Variants in SLAIN2 observed in about 807,000 individuals in gnomAD.
The protein encoded by SLAIN2 is SLAIN family member 2.
SLAIN2 carries 31 observed loss-of-function variants against 56.6 expected under a neutral mutation model. That is an observed-to-expected ratio of 0.55 (90% CI 0.41 to 0.74). The LOEUF (loss-of-function observed/expected upper bound fraction) is 0.74. SLAIN2 is among the 30% of genes least tolerant of loss of function. SLAIN2 has a pLI of 0.00. For synonymous variants in SLAIN2, 317 were observed against 284.9 expected, an observed-to-expected ratio of 1.11 and a Z score of -1.13; for missense variants, 777 against 754.2, an observed-to-expected ratio of 1.03 and a Z score of -0.35.
At chr4:48,367,498 T>C (rs1715550499) in intron 1 of SLAIN2, among the ~76,000 whole-genome samples, 2 of 152,156 alleles carry the variant, frequency 1.3e-5, no homozygotes, top group African/African-American at 4.8e-5. Flanking sequence ...AAAGGTAGGC[T>C]CAGCAAGTCT....
chr4:48,342,458 G>T (rs1714739454), intron 1 of SLAIN2, among the ~76,000 whole-genome samples: 1 of 152,206 alleles, frequency 6.6e-6, no homozygotes, highest in African/African-American at 2.4e-5. Context: ...TGTAGGCAGG[G>T]ATCCTGCTTT....
intron 1 of SLAIN2, among the ~76,000 whole-genome samples, chr4:48,351,702 G>A (rs149660839): frequency 1.3e-5 from 2 of 152,302 alleles, no homozygotes; most frequent in African/African-American, 2.4e-5. Flanking sequence ...TCTGTCTAAC[G>A]CCATGTCTGG....
intron 1 of SLAIN2, among the ~76,000 whole-genome samples, chr4:48,368,454 C>G (rs2109751710): frequency 6.6e-6 from 1 of 151,964 alleles, no homozygotes; most frequent in South Asian, 2.1e-4. Context: ...TTATGTAAAA[C>G]CAGTCAGTGT....
At chr4:48,387,764 A>AG (rs1716137265) in intron 6 of SLAIN2, among the ~76,000 whole-genome samples, 1 of 152,052 alleles carries the variant, frequency 6.6e-6, no homozygotes, top group African/African-American at 2.4e-5. Context: ...AGTGTTACCA[A>AG]TTTATCTTGA....
At chr4:48,380,817 T>C (rs1395681992) in intron 4 of SLAIN2, among the ~76,000 whole-genome samples, 5 of 152,162 alleles carry the variant, frequency 3.3e-5, no homozygotes, top group African/African-American at 1.2e-4. Flanking sequence ...TCAAAAACTT[T>C]CTGTTGTCTG....
chr4:48,378,064 A>ACTT lies in SLAIN2; in HGVS notation c.703+4_703+5insCTT, dbSNP rs770783000. Reference sequence around the variant, plus strand: ...CTTATACTTCCTGGAAATTCAGGTAAGGAGAAAATGATATGGAGCTATTAA... The same window carrying ACTT: ...CTTATACTTCCTGGAAATTCAGGTAACTTGGAGAAAATGATATGGAGCTATTAA... On this transcript the variant is annotated splice_donor_region_variant and intron_variant, in intron 3 of 7. Transcript: ENST00000264313. 1 of 1,611,974 alleles carries ACTT rather than the reference A, an allele frequency of 6.2e-7. No individual in the cohort carries two copies. The highest frequency in any genetic ancestry group is 2.2e-5 in the East Asian group (1 of 44,848).
rs1427735758 is a variant in SLAIN2, at chr4:48,422,742, G to T, written c.*665G>T. ...TGTAGCTCACATGTCACCACCACCA[G>T]ATAGTGTTACAGCATGTATCCATCA... On this transcript the variant is annotated 3_prime_UTR_variant, in exon 8 of 8. Transcript: ENST00000264313. 1.3e-5 allele frequency: 2 copies of T among 152,254 alleles called. No homozygotes were observed. The highest frequency in any genetic ancestry group is 2.9e-5 in the Non-Finnish European group (2 of 68,086). 9.4% of individuals were successfully genotyped at this position (152,254 alleles called of 1,614,324 possible).
chr4:48,407,501 T>C (rs1716729020), intron 6 of SLAIN2, among the ~76,000 whole-genome samples: 1 of 152,186 alleles, frequency 6.6e-6, no homozygotes, highest in African/African-American at 2.4e-5. Flanking sequence ...CTTATTTAAA[T>C]TCTTTTTTTT....
Position 48,382,720 on chromosome 4 carries a change from G to A in SLAIN2, c.1015G>A (p.Val339Ile), listed in dbSNP as rs1716000072. 1 of 1,613,744 alleles carries A rather than the reference G, an allele frequency of 6.2e-7. No homozygotes were observed. The highest frequency in any genetic ancestry group is 8.5e-7 in the Non-Finnish European group (1 of 1,179,850). Residue 339 changes from valine to isoleucine, a missense_variant, in exon 5 of 8, where the codon GTT becomes ATT. Transcript: ENST00000264313. Reference sequence around the variant, plus strand: ...TATGCATCATGCAGTATACCCTGCTGTTAACAGGTTTTCACCATCACCACG... The same window carrying A: ...TATGCATCATGCAGTATACCCTGCTATTAACAGGTTTTCACCATCACCACG... ...DNMHHAVYPA[V>I]NRFSPSPRNS...
At chr4:48,379,241 TTA>T (rs1207965668) in intron 3 of SLAIN2, among the ~76,000 whole-genome samples, 3 of 152,154 alleles carry the variant, frequency 2.0e-5, no homozygotes, top group Admixed American at 2.0e-4. Context: ...TTTATTCAAA[TTA>T]TAGTTTTCTC....
chr4:48,395,198 C>G (rs1472461624), intron 6 of SLAIN2, among the ~76,000 whole-genome samples: 1 of 152,066 alleles, frequency 6.6e-6, no homozygotes, highest in African/African-American at 2.4e-5. Flanking sequence ...GGTTCCAAGA[C>G]ACTGAATGTA....
rs756030148 is a variant in SLAIN2 at position 48,420,220 on chromosome 4, C to T, written c.1456C>T (p.Pro486Ser). 20 of 1,613,860 alleles carry T rather than the reference C, an allele frequency of 1.2e-5. No homozygotes were observed. Among genetic ancestry groups the T allele is most frequent in the Non-Finnish European group, 1.7e-5 (20 of 1,179,878 alleles). Residue 486 changes from proline to serine, a missense_variant, in exon 7 of 8, where the codon CCT (proline) becomes TCT (serine). By Grantham distance (74) the Pro-to-Ser change is moderately conservative (BLOSUM62 -1). Transcript: ENST00000264313. ...KAFSNHGSGSPGSQEITQLTQ... is the reference protein window; with the variant it reads ...KAFSNHGSGSSGSQEITQLTQ... ...ATTTAGTAACCATGGCTCTGGTTCT[C>T]CTGGTAGCCAAGAAATAACACAGCT...
Position 48,382,757 on chromosome 4 carries a change from G to A in SLAIN2, c.1052G>A (p.Arg351Gln), listed in dbSNP as rs778310300. 2 of 1,613,554 alleles carry A rather than the reference G, an allele frequency of 1.2e-6. No individual in the cohort carries two copies. Among genetic ancestry groups the A allele is most frequent in the Non-Finnish European group, 1.7e-6 (2 of 1,179,844 alleles). Reference protein sequence around the residue: ...RFSPSPRNSPRPSPKQSPRNS... With the variant: ...RFSPSPRNSPQPSPKQSPRNS... ...TCACCATCACCACGCAATTCACCTC[G>A]ACCGTCACCTAAGCAGTCACCCAGA... Residue 351 changes from arginine to glutamine, a missense_variant, in exon 5 of 8, where the codon CGA (arginine) becomes CAA (glutamine). Coordinates refer to ENST00000264313, the MANE Select transcript of SLAIN2 (RefSeq NM_020846.2).
rs1379927523 is a variant in SLAIN2 at position 48,363,094 on chromosome 4, A to G, written c.390-6755A>G. Among the ~76,000 whole-genome samples, 33 of 42,614 alleles carry G rather than the reference A, an allele frequency of 7.7e-4. 1 individual carries two copies. Among genetic ancestry groups the G allele is most frequent in the African/African-American group, 2.5e-3 (32 of 13,042 alleles). The allele number at this position is 42,614 out of a possible 152,430, so 28.0% of individuals were successfully genotyped here. Reference sequence around the variant, plus strand: ...GGGTTGGGGGTAAGGTCACAGATCAACAGGATCCCAAGGCAGAGGAATTTT... The same window carrying G: ...GGGTTGGGGGTAAGGTCACAGATCAGCAGGATCCCAAGGCAGAGGAATTTT... On this transcript the variant is annotated intron_variant, in intron 1 of 7. Transcript: ENST00000264313.
intron 7 of SLAIN2, among the ~76,000 whole-genome samples, chr4:48,421,754 A>G (rs921448140): frequency 6.6e-6 from 1 of 150,872 alleles, no homozygotes; most frequent in Non-Finnish European, 1.5e-5. Flanking sequence ...AAAAGGTGAG[A>G]CCATCTTTTC....
intron 2 of SLAIN2, among the ~76,000 whole-genome samples, chr4:48,370,477 G>A (rs1479143121): frequency 6.6e-6 from 1 of 152,180 alleles, no homozygotes; most frequent in African/African-American, 2.4e-5. Context: ...AACCTTGAAA[G>A]GTAATTTTCA....
chr4:48,379,807 A>T lies in SLAIN2; in HGVS notation c.821A>T (p.Asp274Val). 1.3e-6 allele frequency: 2 copies of T among 1,586,214 alleles called. No individual in the cohort carries two copies. Among genetic ancestry groups the T allele is most frequent in the Non-Finnish European group, 1.7e-6 (2 of 1,170,370 alleles). Residue 274 changes from aspartate to valine, a missense_variant, in exon 4 of 8, where the codon GAT becomes GTT. By Grantham distance (152) the Asp-to-Val change is radical. Coordinates refer to ENST00000264313, the MANE Select transcript of SLAIN2 (RefSeq NM_020846.2). ...DSIGSNYKLN[D>V]VTDVQILARM... is the part of the protein sequence containing the mutation. ...ATTGGATCCAATTATAAGCTAAATGATGTAACTGATGTACAGATTCTAGCC... is the reference window on the plus strand; with the variant it reads ...ATTGGATCCAATTATAAGCTAAATGTTGTAACTGATGTACAGATTCTAGCC...
At chr4:48,354,323 C>G (rs1490289773) in intron 1 of SLAIN2, among the ~76,000 whole-genome samples, 3 of 152,108 alleles carry the variant, frequency 2.0e-5, no homozygotes, top group Non-Finnish European at 2.9e-5. Context: ...GGTGATTAAA[C>G]TGTTGTAAGT....
chr4:48,360,152 T>C (rs1186035244), intron 1 of SLAIN2, among the ~76,000 whole-genome samples: 1 of 123,812 alleles, frequency 8.1e-6, no homozygotes, highest in African/African-American at 2.8e-5. Flanking sequence ...AGACTCTGTC[T>C]CAAAAAAAAA....
Sources: allele counts gnomAD v4.1 joint callset (sites outside exome capture counted in the v4.1 genomes callset), GRCh38; gene constraint gnomAD v4.1.1; transcripts MANE v1.5; gene names NCBI Gene and HGNC (gene_info 2026-07-23, HGNC 2026-07-21).